The following GPHN variants were observed in gnomAD, a reference collection of about 807,000 sequenced individuals.
GPHN encodes the protein gephyrin.
Under a neutral mutation model 95.5 loss-of-function variants are expected in GPHN, and 17 were observed. The ratio of observed to expected loss-of-function variants is 0.18; its 90% confidence interval spans 0.12 to 0.27. The LOEUF (loss-of-function observed/expected upper bound fraction) is 0.27. Ranked by LOEUF, GPHN falls within the 10% of genes least tolerant of loss-of-function variation. The pLI, the probability that GPHN is intolerant of heterozygous loss-of-function variation, is 1.00. For missense variants in GPHN, 660 were observed against 978.1 expected (o/e 0.67, Z 4.34); for synonymous variants, 320 against 322.5 (o/e 0.99, Z 0.08).
intron 1 of GPHN, among the ~76,000 whole-genome samples, chr14:66,545,387 A>C (rs1250324826): frequency 8.5e-6 from 1 of 117,844 alleles, no homozygotes. Flanking sequence ...CGGGGGGCTG[A>C]CCCCCCCACC....
chr14:67,038,409 T>G (rs942343504), intron 10 of GPHN, among the ~76,000 whole-genome samples: 2 of 152,148 alleles, frequency 1.3e-5, no homozygotes, highest in Admixed American at 6.5e-5. Flanking sequence ...TCTGTTAAAT[T>G]TTTTAACATA....
chr14:67,565,647 C>A, the GPHN span, among the ~76,000 whole-genome samples: 1 of 151,998 alleles, frequency 6.6e-6, no homozygotes, highest in Non-Finnish European at 1.5e-5. Flanking sequence ...GCAGACATCC[C>A]CTCCACAGAT....
chr14:66,952,842 C>T (rs2068198785), intron 8 of GPHN, among the ~76,000 whole-genome samples: 1 of 151,928 alleles, frequency 6.6e-6, no homozygotes, highest in South Asian at 2.1e-4. Context: ...TTACAGGTGC[C>T]CGGCACCACG....
the GPHN span, among the ~76,000 whole-genome samples, chr14:67,278,052 T>C: frequency 6.6e-6 from 1 of 151,890 alleles, no homozygotes. Context: ...TTTTTTTTTT[T>C]TTGAGATGGA....
At chr14:66,966,316 TG>T (rs2069322791) in intron 9 of GPHN, among the ~76,000 whole-genome samples, 1 of 152,134 alleles carries the variant, frequency 6.6e-6, no homozygotes, top group African/African-American at 2.4e-5. Context: ...TAGTGCAGTT[TG>T]TTTTACATTA....
At chr14:67,432,946 A>G in the GPHN span, among the ~76,000 whole-genome samples, 1 of 152,132 alleles carries the variant, frequency 6.6e-6, no homozygotes, top group Non-Finnish European at 1.5e-5. Flanking sequence ...CCTCATTTTA[A>G]GTAATTATGT....
chr14:67,149,440 A>G (rs993815431), intron 18 of GPHN, among the ~76,000 whole-genome samples: 1 of 152,212 alleles, frequency 6.6e-6, no homozygotes, highest in Non-Finnish European at 1.5e-5. Flanking sequence ...TCTTAGTTTT[A>G]ATTTCTAATA....
chr14:66,894,742 C>A (rs1239107366), intron 5 of GPHN, among the ~76,000 whole-genome samples: 1 of 152,136 alleles, frequency 6.6e-6, no homozygotes, highest in Admixed American at 6.5e-5. Context: ...ATGCAGCCAA[C>A]AGACACATGA....
intron 9 of GPHN, among the ~76,000 whole-genome samples, chr14:66,980,820 G>T (rs139321926): frequency 1.3e-5 from 2 of 152,204 alleles, no homozygotes; most frequent in African/African-American, 2.4e-5. Flanking sequence ...GGAGGCCAAG[G>T]CAGGAGTATC....
At chr14:67,473,651 G>A in the GPHN span, 6 of 1,579,804 alleles carry the variant, frequency 3.8e-6, no homozygotes, top group African/African-American at 4.0e-5. The surrounding 1 kb of genome is among the most constrained non-coding windows in gnomAD (Gnocchi z 6.5). Context: ...GGATGAAGCC[G>A]GTGGTGAACT....
intron 2 of GPHN, among the ~76,000 whole-genome samples, chr14:66,723,000 A>G (rs1300614707): frequency 6.6e-6 from 1 of 152,084 alleles, no homozygotes; most frequent in Non-Finnish European, 1.5e-5. Context: ...TTTCCTCATC[A>G]AAAAACACAT....
chr14:67,368,884 A>G, the GPHN span, among the ~76,000 whole-genome samples: 1 of 152,228 alleles, frequency 6.6e-6, no homozygotes, highest in African/African-American at 2.4e-5. Flanking sequence ...TACAAAATAC[A>G]CTATTGTAAA....
the GPHN span, among the ~76,000 whole-genome samples, chr14:67,627,662 T>C: frequency 1.3e-5 from 2 of 152,180 alleles, no homozygotes; most frequent in Non-Finnish European, 2.9e-5. Flanking sequence ...TAGCAAGGCA[T>C]AGTGGCTCAT....
chr14:66,960,498 T>C (rs1217098791), intron 8 of GPHN, among the ~76,000 whole-genome samples: 2 of 152,110 alleles, frequency 1.3e-5, no homozygotes, highest in Non-Finnish European at 2.9e-5. Context: ...TGTATTTCTT[T>C]GTTGTGCATA....
the GPHN span, chr14:67,317,345 T>G: frequency 7.4e-7 from 1 of 1,357,656 alleles, no homozygotes. Context: ...AGTTCTTCAA[T>G]TTGAGTTATG....
At chr14:67,401,183 C>T in the GPHN span, among the ~76,000 whole-genome samples, 1 of 151,800 alleles carries the variant, frequency 6.6e-6, no homozygotes, top group Non-Finnish European at 1.5e-5. Context: ...TGACTAGAGT[C>T]TTTATAAGAA....
intron 2 of GPHN, among the ~76,000 whole-genome samples, chr14:66,719,710 C>T (rs1191535584): frequency 6.6e-6 from 1 of 152,102 alleles, no homozygotes; most frequent in Non-Finnish European, 1.5e-5. Flanking sequence ...AACGTATATT[C>T]CCATGTCATG....
At chr14:66,784,385 A>G (rs2059703032) in intron 3 of GPHN, among the ~76,000 whole-genome samples, 1 of 152,222 alleles carries the variant, frequency 6.6e-6, no homozygotes, top group Admixed American at 6.5e-5. Flanking sequence ...GTGTCACTAG[A>G]AAACCACTCT....
intron 4 of GPHN, among the ~76,000 whole-genome samples, chr14:66,830,070 A>G (rs1428885107): frequency 1.3e-5 from 2 of 152,220 alleles, no homozygotes; most frequent in African/African-American, 4.8e-5. Context: ...CTAAAACAGC[A>G]GAGTTCAGAA....
Sources: allele counts gnomAD v4.1 joint callset (sites outside exome capture counted in the v4.1 genomes callset), GRCh38; gene constraint gnomAD v4.1.1; non-coding constraint Gnocchi (gnomAD v3.1); transcripts MANE v1.5; gene names NCBI Gene and HGNC (gene_info 2026-07-23, HGNC 2026-07-21).